Variants in NME7 observed in about 807,000 individuals in gnomAD.
The protein encoded by NME7 is NME/NM23 family member 7.
Under a neutral mutation model 49.1 loss-of-function variants are expected in NME7, and 41 were observed. The ratio of observed to expected loss-of-function variants is 0.83; its 90% CI spans 0.65 to 1.08. NME7 has a LOEUF of 1.08. Ranked by LOEUF, NME7 falls within the 50% of genes least tolerant of loss-of-function variation. The pLI is 0.00. For synonymous variants in NME7, 139 were observed against 150.6 expected (o/e 0.92, Z 0.56); for missense variants, 423 against 463.4 (o/e 0.91, Z 0.80).
intron 11 of NME7, among the ~76,000 whole-genome samples, chr1:169,164,162 T>C (rs1390773257): frequency 6.6e-6 from 1 of 151,758 alleles, no homozygotes; most frequent in African/African-American, 2.4e-5. Flanking sequence ...GACGTCAGTA[T>C]TTAGAAAACT....
At chr1:169,299,164 T>C (rs1430915865) in intron 5 of NME7, among the ~76,000 whole-genome samples, 1 of 152,164 alleles carries the variant, frequency 6.6e-6, no homozygotes, top group Non-Finnish European at 1.5e-5. Flanking sequence ...ATGGATGCCT[T>C]GTAACATATT....
At chr1:169,326,585 G>T (rs1652066290) in intron 1 of NME7, among the ~76,000 whole-genome samples, 1 of 152,160 alleles carries the variant, frequency 6.6e-6, no homozygotes, top group African/African-American at 2.4e-5. Flanking sequence ...TGAAACCTGT[G>T]CTTGTTCAGT....
In NME7 at chr1:169,357,138, GTATTAT is replaced by G. The variant is rs549775014; in HGVS notation, c.3+10564_3+10569del. The stretch of plus-strand genomic sequence containing the variant: ...TAATAATATCCCTATAAGGGAACTA[GTATTAT>G]TATTATTATTATTATCCTCATTTTA... On this transcript the variant is annotated intron_variant, in intron 1 of 11. Transcript: ENST00000367811. Among the ~76,000 whole-genome samples the G allele has an allele frequency of 5.5e-3, 841 of 151,642 alleles. 8 individuals carry two copies. The highest frequency in any genetic ancestry group is 0.019 in the African/African-American group (788 of 41,404).
At chr1:169,363,089 AT>A (rs71557663) in intron 1 of NME7, among the ~76,000 whole-genome samples, 39 of 151,246 alleles carry the variant, frequency 2.6e-4, no homozygotes, top group African/African-American at 7.7e-4. Context: ...AAAAAAAAAA[AT>A]TAGCTGGGCA....
intron 10 of NME7, among the ~76,000 whole-genome samples, chr1:169,188,168 CT>C (rs1295947144): frequency 6.6e-6 from 1 of 152,120 alleles, no homozygotes; most frequent in Admixed American, 6.6e-5. Context: ...TTCTCTCTGG[CT>C]GCCCTTAAGG....
At chr1:169,175,964 C>T (rs1364028211) in intron 10 of NME7, among the ~76,000 whole-genome samples, 2 of 152,102 alleles carry the variant, frequency 1.3e-5, no homozygotes, top group Non-Finnish European at 2.9e-5. Context: ...ATTTTCATTT[C>T]TATCCATTAC....
At chr1:169,328,553 G>GA (rs1473891036) in intron 1 of NME7, among the ~76,000 whole-genome samples, 1 of 151,500 alleles carries the variant, frequency 6.6e-6, no homozygotes, top group African/African-American at 2.4e-5. Flanking sequence ...GGTCTTTGCA[G>GA]AAAAAAATCA....
chr1:169,173,779 A>G (rs1307232477), intron 10 of NME7, among the ~76,000 whole-genome samples: 1 of 152,200 alleles, frequency 6.6e-6, no homozygotes, highest in Non-Finnish European at 1.5e-5. Context: ...GGTGAAGACC[A>G]TACTACCACG....
chr1:169,168,840 A>G (rs898886949), intron 11 of NME7: 5 of 455,832 alleles, frequency 1.1e-5, no homozygotes, highest in Admixed American at 4.7e-5. Flanking sequence ...TGATATTTCT[A>G]GGCTACAAAG....
chr1:169,305,158 T>C (rs1651124151), intron 4 of NME7, among the ~76,000 whole-genome samples: 1 of 152,262 alleles, frequency 6.6e-6, no homozygotes, highest in African/African-American at 2.4e-5. Context: ...TGAGAGTTCA[T>C]AAATTTTTTC....
At chr1:169,234,843 ATCAGGTTACC>A (rs1018786638) in intron 9 of NME7, among the ~76,000 whole-genome samples, 1 of 152,140 alleles carries the variant, frequency 6.6e-6, no homozygotes, top group African/African-American at 2.4e-5. Context: ...ACTGGTTAAC[ATCAGGTTACC>A]TCAGGTTACT....
chr1:169,248,995 G>C (rs999984816), intron 7 of NME7, among the ~76,000 whole-genome samples: 1 of 151,956 alleles, frequency 6.6e-6, no homozygotes, highest in Admixed American at 6.6e-5. Flanking sequence ...ATGAATTTTA[G>C]AATTGTTTTT....
rs964125174 is a variant in NME7, at chr1:169,241,818, A to G, written c.755-4131T>C. 5.3e-5 allele frequency among the ~76,000 whole-genome samples: 8 copies of G among 152,026 alleles called. No individual in the cohort carries two copies. In the East Asian group the frequency reaches 1.5e-3, roughly 29 times the overall value. On this transcript the variant is annotated intron_variant, in intron 7 of 11. Coordinates refer to ENST00000367811, the MANE Select transcript of NME7 (RefSeq NM_013330.5). ...AATTCAAAATTGTATACATAGGATA[A>G]TTCCCAATTCACTTTATAAAACTAG...
chr1:169,247,333 TAG>T (rs1648366227), intron 7 of NME7, among the ~76,000 whole-genome samples: 1 of 152,140 alleles, frequency 6.6e-6, no homozygotes, highest in Non-Finnish European at 1.5e-5. Context: ...CAGCTATGGA[TAG>T]AGTGAGCTGC....
chr1:169,235,598 C>A lies in NME7; in HGVS notation c.820-399G>T, dbSNP rs531371494. Among the ~76,000 whole-genome samples, 12 of 152,206 alleles carry A rather than the reference C, an allele frequency of 7.9e-5. 1 individual carries two copies. The South Asian group carries it at 2.5e-3, about 32-fold the overall frequency. Reference sequence around the variant, plus strand: ...CTACACCTCTCTCTGAATAAAACCTCATTCTTGATACAAAAGAAGATTTAT... The same window carrying A: ...CTACACCTCTCTCTGAATAAAACCTAATTCTTGATACAAAAGAAGATTTAT... On this transcript the variant is annotated intron_variant, in intron 8 of 11. Coordinates refer to ENST00000367811, the MANE Select transcript of NME7 (RefSeq NM_013330.5).
At chr1:169,228,473 C>A (rs1211010271) in intron 10 of NME7, among the ~76,000 whole-genome samples, 1 of 151,464 alleles carries the variant, frequency 6.6e-6, no homozygotes, top group Non-Finnish European at 1.5e-5. Context: ...GTCAGGAGAT[C>A]GAGACCATCC....
rs987945006 is a variant in NME7, at chr1:169,266,470, A to G, written c.754+20833T>C. On this transcript the variant is annotated intron_variant, in intron 7 of 11. Transcript: ENST00000367811. ...TACTTCAAAATAATAATAGTCATCA[A>G]TGACAAACCCACAGTCAACATCATG... Among the ~76,000 whole-genome samples, 22 of 134,216 alleles carry G rather than the reference A, an allele frequency of 1.6e-4. 1 individual carries two copies. The highest frequency in any genetic ancestry group is 5.3e-4 in the African/African-American group (21 of 39,654). The allele number at this position is 134,216 out of a possible 152,430, so 88.1% of individuals were successfully genotyped here.
At chr1:169,284,912 A>C (rs1650211299) in intron 7 of NME7, 1 of 152,158 alleles carries the variant, frequency 6.6e-6, no homozygotes, top group African/African-American at 2.4e-5. Flanking sequence ...TTTCCTTGAA[A>C]AGGATTAGAT....
chr1:169,169,329 C>T (rs1659510278), intron 11 of NME7, 118 bp downstream of exon 11: 2 of 840,174 alleles, frequency 2.4e-6, no homozygotes, highest in African/African-American at 1.7e-5. Flanking sequence ...ACTCTCTGCA[C>T]ATGTAACCTA....
Sources: allele counts gnomAD v4.1 joint callset (sites outside exome capture counted in the v4.1 genomes callset), GRCh38; gene constraint gnomAD v4.1.1; transcripts MANE v1.5; gene names NCBI Gene and HGNC (gene_info 2026-07-23, HGNC 2026-07-21).